The following AIFM3 variants were observed in gnomAD, a reference collection of about 807,000 sequenced individuals.
AIFM3 encodes apoptosis-inducing factor 3.
AIFM3 carries 71 observed loss-of-function variants against 82.7 expected under a neutral mutation model. The ratio of observed to expected loss-of-function variants is 0.86; its 90% CI spans 0.71 to 1.05. AIFM3 has a LOEUF of 1.05. Among genes scored for constraint, AIFM3 ranks in the 50% least tolerant of loss-of-function variants. AIFM3 has a pLI of 0.00. For missense variants in AIFM3, 748 were observed against 816.7 expected (o/e 0.92, Z 1.03); for synonymous variants, 337 against 329.1 (o/e 1.02, Z -0.26).
intron 3 of AIFM3, 74 bp downstream of exon 3, chr22:20,973,594 G>T (rs1227675993): frequency 2.8e-6 from 4 of 1,431,164 alleles, no homozygotes; most frequent in Non-Finnish European, 3.6e-6. Context: ...ATAGCCGGGG[G>T]TCGGGGTTGG....
intron 12 of AIFM3, 38 bp from the exon 13 acceptor site, chr22:20,976,829 C>A: frequency 6.3e-7 from 1 of 1,592,308 alleles, no homozygotes; most frequent in Non-Finnish European, 8.6e-7. Flanking sequence ...CCTGGCTGGG[C>A]TCTCATCCAC....
Position 20,979,273 on chromosome 22 carries a change from C to CG in AIFM3, c.1481dup (p.Val495ArgfsTer57). Reference sequence around the variant, plus strand: ...TCTCACGGCCCTGGGTCCCGCAGGGCGCGTGGCAGCCCAGAACATGTTGGC... The same window carrying CG: ...TCTCACGGCCCTGGGTCCCGCAGGGCGGCGTGGCAGCCCAGAACATGTTGGC... On this transcript the variant is annotated frameshift_variant, in exon 17 of 21. Transcript: ENST00000440238. LOFTEE classifies it high-confidence loss of function. The CG allele has an allele frequency of 6.4e-7, 1 of 1,554,760 alleles. No individual in the cohort carries two copies. The highest frequency in any genetic ancestry group is 8.7e-7 in the Non-Finnish European group (1 of 1,148,718).
intron 19 of AIFM3, 46 bp downstream of exon 19, chr22:20,980,170 A>G: frequency 6.4e-7 from 1 of 1,573,506 alleles, no homozygotes; most frequent in Non-Finnish European, 8.6e-7. Context: ...AGTTCCCTGG[A>G]GTACTGGCTA....
rs771094610 is a variant in AIFM3, at chr22:20,980,771, C to T, written c.1778+4C>T. The T allele has an allele frequency of 1.9e-5, 30 of 1,614,088 alleles. No homozygotes were observed. The East Asian group carries it at 2.9e-4, about 16-fold the overall frequency. On this transcript the variant is annotated splice_donor_region_variant and intron_variant, in intron 20 of 20. Coordinates refer to ENST00000440238, the MANE Select transcript of AIFM3 (RefSeq NM_001386814.1). The stretch of plus-strand genomic sequence containing the variant: ...GGCTGTTTGTGCTGCACAGCAAGTA[C>T]GTGTGTCCTTCATGTTGACCGTTCT...
intron 19 of AIFM3, 118 bp downstream of exon 19, chr22:20,980,242 A>G (rs1924007799): frequency 3.4e-6 from 3 of 888,554 alleles, no homozygotes; most frequent in Non-Finnish European, 5.1e-6. Context: ...CTTGGTTTGC[A>G]TCGCCTGAGG....
intron 2 of AIFM3, among the ~76,000 whole-genome samples, chr22:20,970,346 G>T (rs1204010746): frequency 6.6e-6 from 1 of 152,088 alleles, no homozygotes; most frequent in African/African-American, 2.4e-5. Flanking sequence ...GAGTAAAGTC[G>T]CATAATCATA....
upstream of AIFM3, chr22:20,965,462 T>G (rs1357593949): frequency 6.6e-6 from 1 of 152,288 alleles, no homozygotes; most frequent in Non-Finnish European, 1.5e-5. Flanking sequence ...CAGTCCCCCT[T>G]CTCGGGCTGC....
intron 6 of AIFM3, 35 bp downstream of exon 6, chr22:20,974,331 G>A: frequency 6.2e-7 from 1 of 1,608,380 alleles, no homozygotes; most frequent in Non-Finnish European, 8.5e-7. Context: ...GCAGAAGGGA[G>A]GAGCCGGGAG....
intron 2 of AIFM3, 159 bp from the exon 3 acceptor site, chr22:20,973,148 G>C: frequency 2.4e-6 from 2 of 830,522 alleles, no homozygotes; most frequent in Non-Finnish European, 3.8e-6. Context: ...CAGGTTTAAG[G>C]CTCTTTGCTG....
intron 16 of AIFM3, among the ~76,000 whole-genome samples, chr22:20,978,427 A>G (rs1923839514): frequency 6.6e-6 from 1 of 151,950 alleles, no homozygotes; most frequent in African/African-American, 2.4e-5. Context: ...GAGCCCAGAG[A>G]CGTGGGCTCA....
Position 20,967,823 on chromosome 22 carries a change from C to A in AIFM3, c.-122C>A. On this transcript the variant is annotated 5_prime_UTR_variant, in exon 2 of 21. Transcript: ENST00000440238. ...CCTGCAGGTCCTAGAGCAGCTCCAG[C>A]AGGATGGCGGCTCCAGCGTCTCTAA... 9.4e-7 allele frequency: 1 copy of A among 1,067,980 alleles called. No homozygotes were observed. Among genetic ancestry groups the A allele is most frequent in the Non-Finnish European group, 1.4e-6 (1 of 695,792 alleles). The allele number at this position is 1,067,980 out of a possible 1,614,324, so 66.2% of individuals were successfully genotyped here.
At position 20,967,963 on chromosome 22, in the gene AIFM3, A is replaced by T; in HGVS notation, c.19A>T (p.Lys7Ter). The T allele has an allele frequency of 6.2e-7, 1 of 1,613,930 alleles. No homozygotes were observed. The highest frequency in any genetic ancestry group is 8.5e-7 in the Non-Finnish European group (1 of 1,179,920). MGGCFS[K>*]PKPVELKIEV... ...ACTCGCCATGGGCGGCTGCTTCTCCAAACCCAAACCAGGTACCTCCTGTCT... is the reference window on the plus strand; with the variant it reads ...ACTCGCCATGGGCGGCTGCTTCTCCTAACCCAAACCAGGTACCTCCTGTCT... The change falls in exon 2 of 21, where the codon AAA becomes TAA. Residue 7 changes from lysine to a stop codon, truncating the protein, a stop_gained. Coordinates refer to ENST00000440238, the MANE Select transcript of AIFM3 (RefSeq NM_001386814.1). LOFTEE classifies it high-confidence loss of function.
intron 2 of AIFM3, among the ~76,000 whole-genome samples, chr22:20,971,297 C>T (rs541809801): frequency 2.6e-5 from 4 of 152,246 alleles, no homozygotes; most frequent in Non-Finnish European, 5.9e-5. Context: ...CATAACCCCC[C>T]ACCTGATACG....
intron 2 of AIFM3, 25 bp downstream of exon 2, chr22:20,968,000 T>C (rs761995501): frequency 6.2e-7 from 1 of 1,610,842 alleles, no homozygotes; most frequent in Non-Finnish European, 8.5e-7. Flanking sequence ...CTTGTCTCCA[T>C]CCTTTCTCCT....
In AIFM3 at chr22:20,981,142, C is replaced by T. The variant is rs1352896905; in HGVS notation, c.*111C>T. On this transcript the variant is annotated 3_prime_UTR_variant, in exon 21 of 21. Transcript: ENST00000440238. ...AGGATCCCCCAGGGCAGAACCTGAG[C>T]CCTCCCAGTGCTTGCCTTCAGCCAC... is the stretch of plus-strand genomic sequence containing the variant. 4.1e-6 allele frequency: 6 copies of T among 1,476,106 alleles called. No homozygotes were observed. The East Asian group carries it at 7.3e-5, about 18-fold the overall frequency. The allele number at this position is 1,476,106 out of a possible 1,614,324, so 91.4% of individuals were successfully genotyped here.
rs1169802945 is a variant in AIFM3, at chr22:20,980,023, C to T, written c.1656C>T (p.Gly552=). Residue 552 remains glycine (G), a synonymous_variant, in exon 19 of 21, where the codon GGC becomes GGT. Coordinates refer to ENST00000440238, the MANE Select transcript of AIFM3 (RefSeq NM_001386814.1). The part of the protein sequence containing the change: ...ELKFVAFYTK[G]DEVIAVASMN... The stretch of plus-strand genomic sequence containing the variant: ...CTTGGCCATCCTCTCCTTGCAGAGG[C>T]GACGAGGTGATCGCCGTGGCCAGCA... 2 of 1,610,002 alleles carry T rather than the reference C, an allele frequency of 1.2e-6. No individual in the cohort carries two copies. The highest frequency in any genetic ancestry group is 3.3e-5 in the Admixed American group (2 of 59,934).
rs369989227 is a variant in AIFM3, at chr22:20,976,332, C to A, written c.899+26C>A. 3.1e-6 allele frequency: 5 copies of A among 1,613,718 alleles called. No individual in the cohort carries two copies. In the African/African-American group the frequency reaches 4.0e-5, roughly 13 times the overall value. ...GTGGGAGGGTCTCCTTTTTACCCATCGGACACTAGGCAGGGCACTGGCCTG... is the reference window on the plus strand; with the variant it reads ...GTGGGAGGGTCTCCTTTTTACCCATAGGACACTAGGCAGGGCACTGGCCTG... On this transcript the variant is annotated intron_variant, in intron 10 of 20. Coordinates refer to ENST00000440238, the MANE Select transcript of AIFM3 (RefSeq NM_001386814.1).
chr22:20,973,822 G>T lies in AIFM3; in HGVS notation c.310G>T (p.Ala104Ser). 6.3e-7 allele frequency: 1 copy of T among 1,580,942 alleles called. No individual in the cohort carries two copies. Among genetic ancestry groups the T allele is most frequent in the Non-Finnish European group, 8.6e-7 (1 of 1,163,468 alleles). The change falls in exon 4 of 21, where the codon GCC (alanine) becomes TCC (serine). Residue 104 changes from alanine (A) to serine (S), a missense_variant. Physicochemically the swap from Ala to Ser is moderately conservative, Grantham distance 99. This residue lies in a region of AIFM3 where 148 missense variants were observed against 134.1 expected (regional missense o/e 1.10). Transcript: ENST00000440238. ...GGTGAAGGACAATGGGGAGTTCCACGCCCTGGGCCATAAGTGTCCGCACTA... is the reference window on the plus strand; with the variant it reads ...GGTGAAGGACAATGGGGAGTTCCACTCCCTGGGCCATAAGTGTCCGCACTA... ...LLVKDNGEFH[A>S]LGHKCPHYGA...
intron 16 of AIFM3, 62 bp downstream of exon 16, chr22:20,978,067 AT>A: frequency 1.3e-5 from 19 of 1,498,428 alleles, no homozygotes; most frequent in Non-Finnish European, 1.8e-5. Context: ...CAGTGTCCCC[AT>A]GCCCATGCCT....
Sources: allele counts gnomAD v4.1 joint callset (sites outside exome capture counted in the v4.1 genomes callset), GRCh38; gene constraint gnomAD v4.1.1; regional missense constraint gnomAD v4.1.1; transcripts MANE v1.5; gene names NCBI Gene and HGNC (gene_info 2026-07-23, HGNC 2026-07-21).